Variants in DNAH7 observed in about 807,000 individuals in gnomAD.
The protein encoded by DNAH7 is dynein axonemal heavy chain 7.
In DNAH7, 397 loss-of-function variants were observed where a neutral mutation model predicts 444.6. The observed-to-expected ratio is 0.89, with a 90% confidence interval of 0.82 to 0.97. The LOEUF (loss-of-function observed/expected upper bound fraction) is 0.97. DNAH7 is among the 50% of genes least tolerant of loss of function. The pLI is 0.00. For synonymous variants in DNAH7, 1,636 were observed against 1,624.4 expected (o/e 1.01, Z -0.17); for missense variants, 4,902 against 4,800.8 (o/e 1.02, Z -0.62).
intron 12 of DNAH7, among the ~76,000 whole-genome samples, chr2:195,989,483 T>A (rs1693155134): frequency 6.6e-6 from 1 of 152,226 alleles, no homozygotes; most frequent in East Asian, 1.9e-4. Flanking sequence ...TCTATTTGTA[T>A]ATCTTCTTGT....
chr2:195,841,854 TAG>T (rs1698707654), intron 47 of DNAH7, among the ~76,000 whole-genome samples: 1 of 152,036 alleles, frequency 6.6e-6, no homozygotes, highest in African/African-American at 2.4e-5. Flanking sequence ...TGTTACTGTC[TAG>T]AGAGGATTGT....
intron 12 of DNAH7, chr2:195,995,323 A>G (rs1693626259): frequency 2.0e-6 from 1 of 510,858 alleles, no homozygotes; most frequent in Non-Finnish European, 3.9e-6. Context: ...GCCTTGTTCA[A>G]ATCCAAGACC....
intron 8 of DNAH7, among the ~76,000 whole-genome samples, chr2:196,019,945 C>G (rs1332049405): frequency 6.6e-6 from 1 of 151,476 alleles, no homozygotes; most frequent in African/African-American, 2.4e-5. Flanking sequence ...CTCCCTCCCC[C>G]TCCTCCTCCC....
At chr2:196,061,735 G>A (rs1698146687) in intron 1 of DNAH7, among the ~76,000 whole-genome samples, 1 of 152,120 alleles carries the variant, frequency 6.6e-6, no homozygotes, top group African/African-American at 2.4e-5. Context: ...AGAAAGAATG[G>A]GGGATCAAGA....
At chr2:195,894,944 T>C (rs747223462) in intron 30 of DNAH7, 32 bp downstream of exon 30, 1 of 1,547,966 alleles carries the variant, frequency 6.5e-7, no homozygotes, top group Non-Finnish European at 8.8e-7. Flanking sequence ...AAGTCAATTA[T>C]AAATAAATTA....
rs772750875 is a variant in DNAH7 at position 195,864,784 on chromosome 2, T to C, written c.6871A>G (p.Asn2291Asp). The change falls in exon 41 of 65, where the codon AAT becomes GAT. Residue 2291 changes from asparagine to aspartate, a missense_variant. By Grantham distance (23) the Asn-to-Asp change is conservative. Coordinates refer to ENST00000312428, the MANE Select transcript of DNAH7 (RefSeq NM_018897.3). Reference protein sequence around the residue: ...TNYREIADVDNLRMIVEIHLE... With the variant: ...TNYREIADVDDLRMIVEIHLE... Reference sequence around the variant, plus strand: ...TGAATTTCTACTATCATTCGAAGATTATCCACATCTGCGATTTCTCTGTAG... The same window carrying C: ...TGAATTTCTACTATCATTCGAAGATCATCCACATCTGCGATTTCTCTGTAG... The C allele has an allele frequency of 1.1e-5, 17 of 1,614,232 alleles. No individual in the cohort carries two copies. The highest frequency in any genetic ancestry group is 1.4e-5 in the Non-Finnish European group (16 of 1,180,042).
intron 40 of DNAH7, among the ~76,000 whole-genome samples, 157 bp downstream of exon 40, chr2:195,872,093 A>T (rs1024715126): frequency 3.9e-5 from 6 of 152,112 alleles, no homozygotes; most frequent in African/African-American, 1.2e-4. Flanking sequence ...CTCAGTGTTA[A>T]ATATTTTTAA....
At chr2:196,006,939 T>G (rs1031899046) in intron 10 of DNAH7, among the ~76,000 whole-genome samples, 5 of 152,078 alleles carry the variant, frequency 3.3e-5, no homozygotes, top group Non-Finnish European at 7.4e-5. Context: ...CACGACATTG[T>G]TGAAATAAAT....
chr2:195,813,555 G>A (rs1176648445), intron 51 of DNAH7, among the ~76,000 whole-genome samples: 1 of 152,150 alleles, frequency 6.6e-6, no homozygotes, highest in African/African-American at 2.4e-5. Context: ...ATACAGATAC[G>A]AAAAGTTTGG....
chr2:195,881,016 G>T (rs1701346738), intron 36 of DNAH7, among the ~76,000 whole-genome samples: 1 of 149,632 alleles, frequency 6.7e-6, no homozygotes, highest in Non-Finnish European at 1.5e-5. Flanking sequence ...TTTTAATCCA[G>T]GCCAAAAACA....
Position 195,995,110 on chromosome 2 carries a change from A to G in DNAH7, c.1353+5594T>C, listed in dbSNP as rs530088990. On this transcript the variant is annotated intron_variant, in intron 12 of 64. Coordinates refer to ENST00000312428, the MANE Select transcript of DNAH7 (RefSeq NM_018897.3). The stretch of plus-strand genomic sequence containing the variant: ...ATGCCCAGCTAATTTTTGTATTTTT[A>G]GTAGAGACAGGGTTTCACCATGTTG... 7.3e-5 allele frequency: 18 copies of G among 245,902 alleles called. 1 individual carries two copies. In the East Asian group the frequency reaches 2.2e-3, roughly 30 times the overall value. 15.2% of individuals were successfully genotyped at this position (245,902 alleles called of 1,614,324 possible). A position where few individuals can be genotyped will look rare whatever the true frequency, so the allele number is the denominator to read the frequency against.
At chr2:195,912,246 A>G (rs542521014) in intron 24 of DNAH7, among the ~76,000 whole-genome samples, 1 of 152,148 alleles carries the variant, frequency 6.6e-6, no homozygotes. Flanking sequence ...GGGGCCTTTG[A>G]GACTGCTCAG....
chr2:195,960,527 G>C lies in DNAH7; in HGVS notation c.2624C>G (p.Ser875Cys), dbSNP rs766991046. Residue 875 changes from serine (S) to cysteine (C), a missense_variant, in exon 18 of 65, where the codon TCT becomes TGT. Transcript: ENST00000312428. ...TGGTTCCAGATTCATGTCTAAAAAA[G>C]AGGAGACTGTGGAGTCATCTGATGG... ...LQPSDDSTVS[S>C]FLDMNLEPYI... is the part of the protein sequence containing the mutation. The C allele has an allele frequency of 1.2e-6, 2 of 1,614,166 alleles. No homozygotes were observed. The highest frequency in any genetic ancestry group is 2.2e-5 in the South Asian group (2 of 91,080).
chr2:195,748,528 G>T (rs1329460068), intron 63 of DNAH7, among the ~76,000 whole-genome samples: 1 of 152,124 alleles, frequency 6.6e-6, no homozygotes, highest in Admixed American at 6.6e-5. Context: ...ACATCGCGAA[G>T]TCAATCCTAA....
intron 1 of DNAH7, among the ~76,000 whole-genome samples, chr2:196,058,729 G>T (rs1697966236): frequency 6.6e-6 from 1 of 152,110 alleles, no homozygotes; most frequent in Admixed American, 6.5e-5. Context: ...CATGGATTGG[G>T]AGACTAATAT....
chr2:195,737,926 A>AATT lies in DNAH7; in HGVS notation c.12067_12069dup (p.Asn4023dup), dbSNP rs200960724. 1.7e-5 allele frequency: 27 copies of AATT among 1,613,728 alleles called. No individual in the cohort carries two copies. The East Asian group carries it at 5.3e-4, about 32-fold the overall frequency. Reference sequence around the variant, plus strand: ...AAGGAAATGATGTCTTCTGGTTATGAATTAAGTTGACATAACAGTGCTACA... The same window carrying AATT: ...AAGGAAATGATGTCTTCTGGTTATGAATTATTAAGTTGACATAACAGTGCTACA... On this transcript the variant is annotated inframe_insertion, in exon 65 of 65. Coordinates refer to ENST00000312428, the MANE Select transcript of DNAH7 (RefSeq NM_018897.3).
intron 5 of DNAH7, among the ~76,000 whole-genome samples, chr2:196,037,225 T>C (rs866200960): frequency 1.3e-5 from 2 of 152,218 alleles, no homozygotes. Flanking sequence ...CCAGTTAACA[T>C]ACTGATACAT....
chr2:196,023,591 G>A (rs1045619096), intron 8 of DNAH7, among the ~76,000 whole-genome samples: 13 of 152,218 alleles, frequency 8.5e-5, no homozygotes, highest in African/African-American at 3.1e-4. Context: ...TCTGGATTAG[G>A]CTCTGGCTTA....
rs375573053 is a variant in DNAH7 at position 196,000,805 on chromosome 2, C to T, written c.1252G>A (p.Glu418Lys). 1 of 1,609,920 alleles carries T rather than the reference C, an allele frequency of 6.2e-7. No homozygotes were observed. Among genetic ancestry groups the T allele is most frequent in the Non-Finnish European group, 8.5e-7 (1 of 1,177,724 alleles). The change falls in exon 12 of 65, where the codon GAG becomes AAG. Residue 418 changes from glutamate (E) to lysine (K), a missense_variant. Physicochemically the swap from Glu to Lys is moderately conservative, Grantham distance 56. Coordinates refer to ENST00000312428, the MANE Select transcript of DNAH7 (RefSeq NM_018897.3). ...LDNDTIKFEPELSDYIDIFLN... is the reference protein window; with the variant it reads ...LDNDTIKFEPKLSDYIDIFLN... ...AAGATATCTATATAGTCACTCAACT[C>T]AGGTTCAAACTTAATGGTGTCATTA... is the stretch of plus-strand genomic sequence containing the variant.
Sources: gnomAD v4.1 joint callset for allele counts (sites outside exome capture counted in the v4.1 genomes callset) on GRCh38, gnomAD v4.1.1 for gene constraint, MANE v1.5 for transcripts, NCBI Gene and HGNC (gene_info 2026-07-23, HGNC 2026-07-21) for gene names.